The following RBFOX1 variants were observed in gnomAD, a reference collection of about 807,000 sequenced individuals.
RBFOX1 encodes the protein RNA binding fox-1 homolog 1.
Under a neutral mutation model 57.7 loss-of-function variants are expected in RBFOX1, and 8 were observed. The ratio of observed to expected loss-of-function variants is 0.14; its 90% CI spans 0.08 to 0.25. The LOEUF is 0.25. Among genes scored for constraint, RBFOX1 ranks in the 10% least tolerant of loss-of-function variants. The probability of loss-of-function intolerance (pLI) is 1.00; values close to 1 mark genes in which losing one functional copy is unlikely to be tolerated. For missense variants in RBFOX1, 611 were observed against 548.5 expected (o/e 1.11, Z -1.14); for synonymous variants, 326 against 222.4 (o/e 1.47, Z -4.15).
At chr16:6,207,273 T>G (rs1475494296) in intron 1 of RBFOX1, among the ~76,000 whole-genome samples, 2 of 152,200 alleles carry the variant, frequency 1.3e-5, no homozygotes, top group East Asian at 3.9e-4. Flanking sequence ...AAGGCACACT[T>G]TATCTTTTAT....
rs564413601 is a variant in RBFOX1 at position 7,546,723 on chromosome 16, G to C, written c.270+28334G>C. Among the ~76,000 whole-genome samples, 47 of 152,224 alleles carry C rather than the reference G, an allele frequency of 3.1e-4. 1 individual carries two copies. The highest frequency in any genetic ancestry group is 1.1e-3 in the African/African-American group (46 of 41,530). On this transcript the variant is annotated intron_variant, in intron 5 of 15. Transcript: ENST00000550418. ...CAGATTTTAACTTTTTGTTTTCTCT[G>C]ATGGCTTCTTTGTGTCTCATTGCCT... is the stretch of plus-strand genomic sequence containing the variant.
intron 2 of RBFOX1, among the ~76,000 whole-genome samples, chr16:5,506,360 CT>C (rs1256743804): frequency 6.6e-6 from 1 of 152,204 alleles, no homozygotes; most frequent in Non-Finnish European, 1.5e-5. Context: ...TGTCCTTTCT[CT>C]CCCTCTCTGT....
At chr16:5,321,609 G>C (rs896862885) in intron 1 of RBFOX1, among the ~76,000 whole-genome samples, 1 of 152,098 alleles carries the variant, frequency 6.6e-6, no homozygotes, top group African/African-American at 2.4e-5. Context: ...GAGCCACAGC[G>C]CCTGGCCAAG....
chr16:6,508,916 G>A (rs1416760244), intron 2 of RBFOX1, among the ~76,000 whole-genome samples: 1 of 151,856 alleles, frequency 6.6e-6, no homozygotes, highest in Non-Finnish European at 1.5e-5. Flanking sequence ...ATCATTAATG[G>A]TATTCATTAT....
intron 1 of RBFOX1, among the ~76,000 whole-genome samples, chr16:5,340,991 T>A (rs929364555): frequency 2.0e-5 from 3 of 152,062 alleles, no homozygotes; most frequent in African/African-American, 7.2e-5. Flanking sequence ...CAGTGACCTG[T>A]GTGATATGAG....
chr16:6,961,123 A>G (rs2153546985), intron 3 of RBFOX1, among the ~76,000 whole-genome samples: 2 of 141,726 alleles, frequency 1.4e-5, no homozygotes, highest in East Asian at 4.6e-4. Context: ...AGCCTGGGCA[A>G]TAGAGACTCC....
intron 4 of RBFOX1, among the ~76,000 whole-genome samples, chr16:5,901,158 G>A (rs779860691): frequency 6.6e-6 from 1 of 152,140 alleles, no homozygotes; most frequent in African/African-American, 2.4e-5. Context: ...AGTCATGTTC[G>A]TCTCCCTGGA....
chr16:5,284,685 A>T lies in RBFOX1; in HGVS notation c.219+44580A>T, dbSNP rs1487375422. ...GTCTTCTGATTCTCTGGAATTGTAT[A>T]TGTGAGCCACTGTGCCAGGCTCCTT... On this transcript the variant is annotated intron_variant, in intron 1 of 2. Transcript: ENST00000585867. Among the ~76,000 whole-genome samples the T allele has an allele frequency of 4.2e-5, 6 of 141,552 alleles. No individual in the cohort carries two copies. In the East Asian group the frequency reaches 1.1e-3, roughly 25 times the overall value. 92.9% of individuals were successfully genotyped at this position (141,552 alleles called of 152,430 possible). A position where few individuals can be genotyped will look rare whatever the true frequency, so the allele number is the denominator to read the frequency against.
chr16:6,006,377 A>G (rs576908475), intron 4 of RBFOX1, among the ~76,000 whole-genome samples: 279 of 30,354 alleles, frequency 9.2e-3, no homozygotes, highest in South Asian at 0.02. Context: ...ACTGTAGGGA[A>G]AAAAAAAAAA....
chr16:6,474,399 G>A (rs1042528683), intron 2 of RBFOX1, among the ~76,000 whole-genome samples: 3 of 152,152 alleles, frequency 2.0e-5, no homozygotes, highest in Admixed American at 2.0e-4. Flanking sequence ...GGGAGCCAAA[G>A]GCTTTTGAGG....
At chr16:6,117,702 A>G (rs2096511631) in intron 1 of RBFOX1, among the ~76,000 whole-genome samples, 1 of 152,248 alleles carries the variant, frequency 6.6e-6, no homozygotes, top group Non-Finnish European at 1.5e-5. Context: ...ACTGTGAGAA[A>G]TACGTTTCTG....
intron 3 of RBFOX1, among the ~76,000 whole-genome samples, chr16:5,798,454 A>G (rs1028053487): frequency 1.3e-5 from 2 of 152,186 alleles, no homozygotes; most frequent in African/African-American, 2.4e-5. Flanking sequence ...CTGGGAGGAT[A>G]TGGGACTTCC....
chr16:6,346,833 C>G (rs1016973636), intron 2 of RBFOX1, among the ~76,000 whole-genome samples: 1 of 151,874 alleles, frequency 6.6e-6, no homozygotes, highest in African/African-American at 2.4e-5. Context: ...TCATATATTA[C>G]CAGAATAACC....
chr16:5,740,475 TA>T, intron 3 of RBFOX1, among the ~76,000 whole-genome samples: 1 of 152,200 alleles, frequency 6.6e-6, no homozygotes, highest in African/African-American at 2.4e-5. Flanking sequence ...CTTAACCTTG[TA>T]AAGTTTTCTG....
chr16:5,841,136 A>G (rs1224917462), intron 3 of RBFOX1, among the ~76,000 whole-genome samples: 2 of 152,314 alleles, frequency 1.3e-5, no homozygotes, highest in East Asian at 3.9e-4. Flanking sequence ...ATTGCGTCAA[A>G]CATTTTACAT....
intron 1 of RBFOX1, among the ~76,000 whole-genome samples, chr16:6,110,806 G>A (rs751337647): frequency 2.0e-5 from 3 of 152,182 alleles, no homozygotes; most frequent in Non-Finnish European, 4.4e-5. Context: ...GGGAGGCAGT[G>A]CTGCTGGCAT....
At chr16:6,902,013 T>C (rs1351879302) in intron 3 of RBFOX1, among the ~76,000 whole-genome samples, 1 of 152,184 alleles carries the variant, frequency 6.6e-6, no homozygotes, top group East Asian at 1.9e-4. Flanking sequence ...GAATGAATTA[T>C]TCAGAATGTG....
At chr16:5,275,674 T>G (rs1225592959) in intron 1 of RBFOX1, among the ~76,000 whole-genome samples, 1 of 152,094 alleles carries the variant, frequency 6.6e-6, no homozygotes, top group Non-Finnish European at 1.5e-5. Context: ...TTTATAGAAC[T>G]AGAAAAAACA....
At chr16:6,367,676 T>G (rs79217243) in intron 2 of RBFOX1, among the ~76,000 whole-genome samples, 6,741 of 151,790 alleles carry the variant, frequency 0.044, 402 homozygotes, top group African/African-American at 0.13. Context: ...GTGTTTTGCT[T>G]TCATAGGATG....
Sources: gnomAD v4.1 joint callset for allele counts (sites outside exome capture counted in the v4.1 genomes callset) on GRCh38, gnomAD v4.1.1 for gene constraint, MANE v1.5 for transcripts, NCBI Gene and HGNC (gene_info 2026-07-23, HGNC 2026-07-21) for gene names.